POLK: variants seen among roughly 807,000 people sequenced by gnomAD.
POLK encodes polymerase (DNA directed) kappa.
POLK carries 76 observed loss-of-function variants against 94.0 expected under a neutral mutation model. The ratio of observed to expected loss-of-function variants is 0.81; its 90% CI spans 0.67 to 0.98. POLK has a LOEUF of 0.98. Ranked by LOEUF, POLK falls within the 50% of genes least tolerant of loss-of-function variation. The pLI, the probability that POLK is intolerant of heterozygous loss-of-function variation, is 0.00. For missense variants in POLK, 954 were observed against 1,010.1 expected (o/e 0.94, Z 0.75); for synonymous variants, 349 against 325.4 (o/e 1.07, Z -0.78).
intron 1 of POLK, among the ~76,000 whole-genome samples, chr5:75,517,482 G>A (rs1485624927): frequency 6.6e-6 from 1 of 152,170 alleles, no homozygotes; most frequent in East Asian, 1.9e-4. Context: ...ACTTTTGTAT[G>A]TTAATTTTGT....
Position 75,577,042 on chromosome 5 carries a change from GAT to G in POLK, c.694+112_694+113del, listed in dbSNP as rs201423254. The G allele has an allele frequency of 1.5e-3, 835 of 548,208 alleles. 8 individuals are homozygous for G. The East Asian group carries it at 0.018, about 12-fold the overall frequency. 34.0% of individuals were successfully genotyped at this position (548,208 alleles called of 1,614,324 possible). On this transcript the variant is annotated intron_variant, in intron 6 of 14. Transcript: ENST00000241436. Reference sequence around the variant, plus strand: ...TTAGCCTGCATAGGTAGAAGGGATAGATATGTACCTTTATAAAAATGTAAAAT... The same window carrying G: ...TTAGCCTGCATAGGTAGAAGGGATAGATGTACCTTTATAAAAATGTAAAAT...
chr5:75,598,702 C>T (rs1343894680), exon 15 of POLK: 1 of 152,046 alleles, frequency 6.6e-6, no homozygotes, highest in Non-Finnish European at 1.5e-5. Flanking sequence ...TATTTCATTT[C>T]TTGTCAATTA....
chr5:75,534,286 T>C (rs919808299), intron 1 of POLK, among the ~76,000 whole-genome samples: 1 of 151,526 alleles, frequency 6.6e-6, no homozygotes, highest in Admixed American at 6.6e-5. Context: ...AAAAAAAGCT[T>C]TTGGGCTGAG....
chr5:75,585,673 G>A (rs1422055783), intron 9 of POLK, among the ~76,000 whole-genome samples: 1 of 152,128 alleles, frequency 6.6e-6, no homozygotes, highest in Admixed American at 6.5e-5. Flanking sequence ...AACCCTAGAG[G>A]TAGAAGGTAA....
At chr5:75,560,892 C>T (rs1051718362) in intron 3 of POLK, among the ~76,000 whole-genome samples, 1 of 152,154 alleles carries the variant, frequency 6.6e-6, no homozygotes, top group Non-Finnish European at 1.5e-5. Flanking sequence ...ATATGTGCCA[C>T]ATTTTCTTTA....
At chr5:75,514,642 CAG>C (rs1369415638) in intron 1 of POLK, among the ~76,000 whole-genome samples, 2 of 152,126 alleles carry the variant, frequency 1.3e-5, no homozygotes, top group Non-Finnish European at 2.9e-5. Flanking sequence ...TAGTCTAGTC[CAG>C]ACTTTGGACC....
chr5:75,550,366 G>T (rs920944756), intron 2 of POLK, among the ~76,000 whole-genome samples: 2 of 152,030 alleles, frequency 1.3e-5, no homozygotes, highest in African/African-American at 4.8e-5. Flanking sequence ...ATCACCGGAG[G>T]TCAGGAGTTC....
At chr5:75,521,347 G>T (rs903722267) in intron 1 of POLK, among the ~76,000 whole-genome samples, 6 of 151,400 alleles carry the variant, frequency 4.0e-5, no homozygotes, top group Non-Finnish European at 8.8e-5. Flanking sequence ...CTTACTGATT[G>T]TTTTTTTCTG....
At chr5:75,574,450 G>A (rs948963202) in intron 5 of POLK, among the ~76,000 whole-genome samples, 2 of 152,020 alleles carry the variant, frequency 1.3e-5, no homozygotes, top group African/African-American at 2.4e-5. Context: ...TGTGAAAACC[G>A]CCATTTTTTC....
rs146404086 is a variant in POLK at position 75,556,855 on chromosome 5, G to A, written c.255+4264G>A. Among the ~76,000 whole-genome samples, 317 of 152,092 alleles carry A rather than the reference G, an allele frequency of 2.1e-3. 1 individual carries two copies. The East Asian group carries it at 0.027, about 13-fold the overall frequency. On this transcript the variant is annotated intron_variant, in intron 3 of 14. Transcript: ENST00000241436. ...GGTGGGAAGATCGCTTGAGCCCAGGGGTTCAGGACCAGCCTAGGCAACATA... is the reference window on the plus strand; with the variant it reads ...GGTGGGAAGATCGCTTGAGCCCAGGAGTTCAGGACCAGCCTAGGCAACATA...
chr5:75,570,161 G>A (rs1490673640), intron 4 of POLK, among the ~76,000 whole-genome samples: 1 of 152,170 alleles, frequency 6.6e-6, no homozygotes, highest in Non-Finnish European at 1.5e-5. Flanking sequence ...TGCCAAAAAG[G>A]TTAGGAACTG....
intron 11 of POLK, 181 bp downstream of exon 11, chr5:75,590,621 C>A: frequency 3.6e-6 from 2 of 555,100 alleles, no homozygotes; most frequent in South Asian, 2.6e-5. Flanking sequence ...TATCTGGAGT[C>A]TGTGATGAGG....
rs373574066 is a variant in POLK, at chr5:75,539,228, C to T, written c.-13-7782C>T. Among the ~76,000 whole-genome samples, 68 of 150,770 alleles carry T rather than the reference C, an allele frequency of 4.5e-4. No homozygotes were observed. In the South Asian group the frequency reaches 0.014, roughly 30 times the overall value. ...TGTTTCTAAATCATTTTGGCTTAATCACTCCAAGACCACAACTTCTTGCTG... is the reference window on the plus strand; with the variant it reads ...TGTTTCTAAATCATTTTGGCTTAATTACTCCAAGACCACAACTTCTTGCTG... On this transcript the variant is annotated intron_variant, in intron 1 of 14. Transcript: ENST00000241436.
In POLK at chr5:75,559,258, C is replaced by T. The variant is rs371630730; in HGVS notation, c.255+6667C>T. On this transcript the variant is annotated intron_variant, in intron 3 of 14. Coordinates refer to ENST00000241436, the Ensembl canonical transcript of POLK. ...TATGATAGTATGAACTATTGCTAGT[C>T]GAGCTGAGGTAAGCAACTTTTACAG... Among the ~76,000 whole-genome samples the T allele has an allele frequency of 5.9e-5, 9 of 152,124 alleles. No homozygotes were observed. The East Asian group carries it at 1.2e-3, about 20-fold the overall frequency.
At chr5:75,525,888 T>C (rs1178023248) in intron 1 of POLK, among the ~76,000 whole-genome samples, 1 of 152,216 alleles carries the variant, frequency 6.6e-6, no homozygotes, top group African/African-American at 2.4e-5. Flanking sequence ...AGACAGAATC[T>C]AGATTTGAGT....
At chr5:75,531,097 GC>G (rs1170773152) in intron 1 of POLK, among the ~76,000 whole-genome samples, 1 of 151,744 alleles carries the variant, frequency 6.6e-6, no homozygotes, top group African/African-American at 2.4e-5. Flanking sequence ...GTGAGCCACT[GC>G]ACCCAAACCC....
At position 75,581,656 on chromosome 5, in the gene POLK, A is replaced by G. The variant is rs1337258521; in HGVS notation, c.934+208A>G. The G allele has an allele frequency of 3.8e-5, 20 of 521,020 alleles. No homozygotes were observed. In the East Asian group the frequency reaches 6.6e-4, roughly 17 times the overall value. The allele number at this position is 521,020 out of a possible 1,614,324, so 32.3% of individuals were successfully genotyped here. ...TAAGCAGACTATGAGCCTGAAGGAA[A>G]AAAAAGATTATACGTTTCTTTCTTT... On this transcript the variant is annotated intron_variant, in intron 7 of 14. Transcript: ENST00000241436.
intron 1 of POLK, among the ~76,000 whole-genome samples, chr5:75,534,298 C>T (rs932467110): frequency 5.3e-5 from 8 of 151,064 alleles, no homozygotes; most frequent in Non-Finnish European, 1.0e-4. Flanking sequence ...TGGGCTGAGA[C>T]CATGAGGTTT....
intron 5 of POLK, among the ~76,000 whole-genome samples, chr5:75,575,585 A>T (rs575053642): frequency 6.6e-6 from 1 of 152,336 alleles, no homozygotes; most frequent in South Asian, 2.1e-4. Context: ...GGAAGTTAAT[A>T]AATACTCAAC....
Sources: allele counts gnomAD v4.1 joint callset (sites outside exome capture counted in the v4.1 genomes callset), GRCh38; gene constraint gnomAD v4.1.1; transcripts MANE v1.5; gene names NCBI Gene and HGNC (gene_info 2026-07-23, HGNC 2026-07-21).